CAPN7: variants seen among roughly 807,000 people sequenced by gnomAD.
CAPN7 encodes calpain 7.
Under a neutral mutation model 115.2 loss-of-function variants are expected in CAPN7, and 72 were observed. The observed-to-expected ratio is 0.63, with a 90% CI of 0.52 to 0.76. CAPN7 has a LOEUF of 0.76. Ranked by LOEUF, CAPN7 falls within the 30% of genes least tolerant of loss-of-function variation. The pLI is 0.00. For missense variants in CAPN7, 905 were observed against 971.5 expected (o/e 0.93, Z 0.91); for synonymous variants, 344 against 322.3 (o/e 1.07, Z -0.72).
rs185361416 is a variant in CAPN7 at position 15,231,704 on chromosome 3, A to G, written c.1033-815A>G. 6.5e-4 allele frequency among the ~76,000 whole-genome samples: 99 copies of G among 151,938 alleles called. 1 individual carries two copies. Among genetic ancestry groups the G allele is most frequent in the Non-Finnish European group, 1.2e-3 (80 of 67,958 alleles). ...ACCACCACGCCCGGCTAATTTTTGT[A>G]TTTTTAGTGGAGACAGAGTTTCACC... On this transcript the variant is annotated intron_variant, in intron 9 of 20. Coordinates refer to ENST00000253693, the MANE Select transcript of CAPN7 (RefSeq NM_014296.3).
At chr3:15,219,787 A>G (rs1693856440) in intron 4 of CAPN7, among the ~76,000 whole-genome samples, 1 of 152,232 alleles carries the variant, frequency 6.6e-6, no homozygotes, top group Admixed American at 6.5e-5. Context: ...TGACAGAACA[A>G]AGTTAAAATT....
At chr3:15,213,834 C>T (rs1282112737) in intron 2 of CAPN7, among the ~76,000 whole-genome samples, 1 of 151,670 alleles carries the variant, frequency 6.6e-6, no homozygotes, top group Non-Finnish European at 1.5e-5. Flanking sequence ...ACACCCCAAT[C>T]TCTTGAAGAA....
rs1166784145 is a variant in CAPN7, at chr3:15,240,567, T to C, written c.1502T>C (p.Leu501Ser). 1 of 1,612,438 alleles carries C rather than the reference T, an allele frequency of 6.2e-7. No individual in the cohort carries two copies. The highest frequency in any genetic ancestry group is 1.1e-5 in the South Asian group (1 of 90,692). ...GATGTAAAAAACTGGACTCCAGAGTTGCAAAAGTATTTAAACTTTGATCCC... is the reference window on the plus strand; with the variant it reads ...GATGTAAAAAACTGGACTCCAGAGTCGCAAAAGTATTTAAACTTTGATCCC... The part of the protein sequence containing the change: ...ENDVKNWTPE[L>S]QKYLNFDPRT... The change falls in exon 13 of 21, where the codon TTG (leucine) becomes TCG (serine). Residue 501 changes from leucine (L) to serine (S), a missense_variant. Leu to Ser is a moderately radical substitution (Grantham distance 145). Transcript: ENST00000253693.
intron 12 of CAPN7, among the ~76,000 whole-genome samples, chr3:15,236,615 C>A (rs1338148850): frequency 6.6e-6 from 1 of 152,128 alleles, no homozygotes; most frequent in Non-Finnish European, 1.5e-5. Context: ...GTGGCATGAA[C>A]ATCATAAAAT....
At chr3:15,239,218 AC>A (rs994689969) in intron 12 of CAPN7, among the ~76,000 whole-genome samples, 3 of 151,958 alleles carry the variant, frequency 2.0e-5, no homozygotes, top group African/African-American at 7.3e-5. Context: ...ACATACATCT[AC>A]CCCCAGCCAC....
At chr3:15,221,925 G>C (rs1158166317) in intron 5 of CAPN7, among the ~76,000 whole-genome samples, 1 of 151,820 alleles carries the variant, frequency 6.6e-6, no homozygotes, top group Non-Finnish European at 1.5e-5. Flanking sequence ...CTGCTCTCCA[G>C]CTTGGGCAAC....
At chr3:15,242,606 C>G (rs1040666542) in intron 16 of CAPN7, among the ~76,000 whole-genome samples, 6 of 152,236 alleles carry the variant, frequency 3.9e-5, no homozygotes, top group Admixed American at 2.0e-4. Context: ...GCTTTTTATT[C>G]CCACCTTAAT....
chr3:15,225,330 G>A (rs889653584), intron 6 of CAPN7, among the ~76,000 whole-genome samples: 2 of 152,132 alleles, frequency 1.3e-5, no homozygotes, highest in African/African-American at 4.8e-5. Context: ...GTACGAAAGC[G>A]ATTTATCATT....
intron 4 of CAPN7, among the ~76,000 whole-genome samples, chr3:15,220,144 G>A (rs1333745229): frequency 6.6e-6 from 1 of 151,974 alleles, no homozygotes; most frequent in Admixed American, 6.6e-5. Context: ...AGGTTGCAGT[G>A]AGCCAAGATT....
chr3:15,208,210 CTTT>C (rs537018111), intron 1 of CAPN7, among the ~76,000 whole-genome samples: 78 of 124,354 alleles, frequency 6.3e-4, no homozygotes, highest in African/African-American at 2.1e-3. Flanking sequence ...TGTGTATATG[CTTT>C]TTTTTTTTTT....
In CAPN7 at chr3:15,251,175, C is replaced by CTAG; in HGVS notation, c.2360_2362dup (p.Ser787dup). 6.2e-7 allele frequency: 1 copy of CTAG among 1,607,924 alleles called. No homozygotes were observed. Among genetic ancestry groups the CTAG allele is most frequent in the East Asian group, 2.2e-5 (1 of 44,784 alleles). On this transcript the variant is annotated inframe_insertion, in exon 21 of 21. Coordinates refer to ENST00000253693, the MANE Select transcript of CAPN7 (RefSeq NM_014296.3). ...CCTTCTGGGATCTTCAATATCATTC[C>CTAG]TAGTACCTTTTTGCCTAAACAAGAA... is the stretch of plus-strand genomic sequence containing the variant.
At chr3:15,226,509 A>G (rs1354510106) in intron 6 of CAPN7, among the ~76,000 whole-genome samples, 1 of 152,238 alleles carries the variant, frequency 6.6e-6, no homozygotes, top group Non-Finnish European at 1.5e-5. Flanking sequence ...GGTTAATAAT[A>G]GATTACGAAT....
chr3:15,207,559 T>C (rs1230941448), intron 1 of CAPN7, among the ~76,000 whole-genome samples: 1 of 152,174 alleles, frequency 6.6e-6, no homozygotes, highest in Non-Finnish European at 1.5e-5. Flanking sequence ...TTTTTAACTC[T>C]TTTGTAATAG....
intron 8 of CAPN7, among the ~76,000 whole-genome samples, chr3:15,229,561 CTTTTTTTTTTTTTTTTT>C (rs566957976): frequency 9.1e-5 from 8 of 87,838 alleles, no homozygotes; most frequent in Non-Finnish European, 1.5e-4. Flanking sequence ...TACTTTTTTT[CTTTTTTTTTTTTTTTTT>C]TTTTTTTTTT....
Position 15,206,334 on chromosome 3 carries a change from C to G in CAPN7, c.-162C>G, listed in dbSNP as rs2044618244. 1 of 561,386 alleles carries G rather than the reference C, an allele frequency of 1.8e-6. No individual in the cohort carries two copies. The highest frequency in any genetic ancestry group is 2.0e-5 in the African/African-American group (1 of 49,756). The allele number at this position is 561,386 out of a possible 1,614,324, so 34.8% of individuals were successfully genotyped here. A position where few individuals can be genotyped will look rare whatever the true frequency, so the allele number is the denominator to read the frequency against. ...GGCGCGGCTTCGCGGTGGACCCCAG[C>G]CCGGCAACGGGAAGGCGAGCTCTCC... is the stretch of plus-strand genomic sequence containing the variant. On this transcript the variant is annotated 5_prime_UTR_variant, in exon 1 of 21. Transcript: ENST00000253693.
Position 15,232,516 on chromosome 3 carries a change from C to T in CAPN7, c.1033-3C>T. ...TAAGAAGGTTAATGTTCTCTTTCTCCAGGTGATAATTGATGACCAGTTACC... is the reference window on the plus strand; with the variant it reads ...TAAGAAGGTTAATGTTCTCTTTCTCTAGGTGATAATTGATGACCAGTTACC... On this transcript the variant is annotated splice_region_variant and splice_polypyrimidine_tract_variant and intron_variant, in intron 9 of 20. Coordinates refer to ENST00000253693, the MANE Select transcript of CAPN7 (RefSeq NM_014296.3). 5 of 1,594,378 alleles carry T rather than the reference C, an allele frequency of 3.1e-6. No individual in the cohort carries two copies. The highest frequency in any genetic ancestry group is 2.3e-5 in the South Asian group (2 of 87,218).
chr3:15,210,766 C>G, intron 1 of CAPN7: 1 of 1,288,220 alleles, frequency 7.8e-7, no homozygotes, highest in South Asian at 1.2e-5. Flanking sequence ...ACCATGTTGC[C>G]CAGGCTGAAA....
chr3:15,246,963 A>G (rs1695700338), intron 18 of CAPN7, among the ~76,000 whole-genome samples, 169 bp downstream of exon 18: 1 of 152,256 alleles, frequency 6.6e-6, no homozygotes, highest in Non-Finnish European at 1.5e-5. Flanking sequence ...AGTGAGCAAC[A>G]TCTGTGAAAA....
chr3:15,215,596 T>C (rs949861995), intron 2 of CAPN7, among the ~76,000 whole-genome samples: 2 of 152,272 alleles, frequency 1.3e-5, no homozygotes. Flanking sequence ...AACATGGCCC[T>C]TTTGCCATGT....
Sources: allele counts gnomAD v4.1 joint callset (sites outside exome capture counted in the v4.1 genomes callset), GRCh38; gene constraint gnomAD v4.1.1; transcripts MANE v1.5; gene names NCBI Gene and HGNC (gene_info 2026-07-23, HGNC 2026-07-21).